Variants in SOX5 observed in about 807,000 individuals in gnomAD.
The protein encoded by SOX5 is transcription factor SOX-5.
Under a neutral mutation model 92.0 loss-of-function variants are expected in SOX5, and 9 were observed. The observed-to-expected ratio is 0.10, with a 90% CI of 0.06 to 0.17. The LOEUF is 0.17. SOX5 is among the 10% of genes least tolerant of loss of function. The pLI is 1.00. For missense variants in SOX5, 642 were observed against 944.5 expected, an observed-to-expected ratio of 0.68 and a Z score of 4.20; for synonymous variants, 344 against 336.3, an observed-to-expected ratio of 1.02 and a Z score of -0.25.
chr12:23,939,506 T>G (rs1460423757), intron 1 of SOX5, among the ~76,000 whole-genome samples: 1 of 151,044 alleles, frequency 6.6e-6, no homozygotes. Flanking sequence ...AAAAATTAAT[T>G]TTAACATAGC....
At chr12:23,610,311 A>G (rs929814814) in intron 8 of SOX5, among the ~76,000 whole-genome samples, 8 of 152,112 alleles carry the variant, frequency 5.3e-5, no homozygotes, top group African/African-American at 1.9e-4. Context: ...ATTGCTAAAA[A>G]CACAACTTCT....
intron 4 of SOX5, among the ~76,000 whole-genome samples, chr12:24,178,729 G>A (rs1200587745): frequency 6.6e-6 from 1 of 152,220 alleles, no homozygotes; most frequent in Non-Finnish European, 1.5e-5. Context: ...TCTGGCACCT[G>A]CTAAGTGCCA....
chr12:23,971,657 T>G (rs989005654), intron 4 of SOX5, among the ~76,000 whole-genome samples: 5 of 151,902 alleles, frequency 3.3e-5, no homozygotes, highest in Non-Finnish European at 7.4e-5. Context: ...CATAGTTATT[T>G]AAAAAATAAT....
intron 1 of SOX5, among the ~76,000 whole-genome samples, chr12:23,911,136 T>A (rs1226950919): frequency 6.6e-6 from 1 of 151,916 alleles, no homozygotes; most frequent in African/African-American, 2.4e-5. Flanking sequence ...CAAAAAAAAA[T>A]TCCATTGCAA....
chr12:23,867,931 A>G (rs1249144546), intron 2 of SOX5, among the ~76,000 whole-genome samples: 3 of 152,024 alleles, frequency 2.0e-5, no homozygotes, highest in Non-Finnish European at 2.9e-5. Flanking sequence ...CCACCTAGGC[A>G]GTTTAACCTC....
At chr12:23,604,171 A>G (rs2074936051) in intron 9 of SOX5, 2 of 489,984 alleles carry the variant, frequency 4.1e-6, no homozygotes, top group Non-Finnish European at 7.4e-6. Context: ...ATTTTCTACT[A>G]TAGTTATCGA....
chr12:23,688,084 G>A (rs906878612), intron 6 of SOX5, among the ~76,000 whole-genome samples: 1 of 151,858 alleles, frequency 6.6e-6, no homozygotes, highest in Non-Finnish European at 1.5e-5. Flanking sequence ...GATCTATTTG[G>A]CTACAATTAT....
intron 3 of SOX5, among the ~76,000 whole-genome samples, chr12:23,818,530 T>G (rs1009591201): frequency 2.0e-5 from 3 of 152,142 alleles, no homozygotes; most frequent in African/African-American, 7.2e-5. Flanking sequence ...AGGACAGGAC[T>G]GTACACTACA....
At chr12:23,897,428 C>G (rs1038072408) in intron 1 of SOX5, among the ~76,000 whole-genome samples, 1 of 152,268 alleles carries the variant, frequency 6.6e-6, no homozygotes, top group South Asian at 2.1e-4. Context: ...CACTTACTAG[C>G]TGAGACTTAA....
chr12:23,586,191 G>A (rs1950706050), intron 9 of SOX5, among the ~76,000 whole-genome samples: 1 of 152,076 alleles, frequency 6.6e-6, no homozygotes. Context: ...CACGAACCTC[G>A]AGTAAGACAA....
chr12:23,620,940 C>T (rs531290158), intron 8 of SOX5, among the ~76,000 whole-genome samples: 2 of 152,182 alleles, frequency 1.3e-5, no homozygotes, highest in East Asian at 3.9e-4. Flanking sequence ...ATTATCTCTG[C>T]TTTCATGAAA....
intron 1 of SOX5, among the ~76,000 whole-genome samples, chr12:23,904,846 C>G (rs977160666): frequency 1.6e-4 from 25 of 152,266 alleles, no homozygotes; most frequent in African/African-American, 5.5e-4. Context: ...TCTTCACCAC[C>G]TTTTTGCTCT....
intron 3 of SOX5, among the ~76,000 whole-genome samples, chr12:24,257,095 G>A (rs1223764891): frequency 6.6e-6 from 1 of 152,124 alleles, no homozygotes; most frequent in Non-Finnish European, 1.5e-5. Context: ...TTTGGTTGCT[G>A]GGTACAGAAA....
At chr12:24,448,349 GA>G (rs1213394421) in intron 1 of SOX5, among the ~76,000 whole-genome samples, 1 of 152,128 alleles carries the variant, frequency 6.6e-6, no homozygotes, top group Non-Finnish European at 1.5e-5. Context: ...AGCATCGGGT[GA>G]AAATGGAGAG....
At chr12:24,231,725 A>G (rs932969611) in intron 3 of SOX5, among the ~76,000 whole-genome samples, 5 of 152,220 alleles carry the variant, frequency 3.3e-5, no homozygotes, top group Non-Finnish European at 7.3e-5. Flanking sequence ...AAGGGCCCAC[A>G]GTTATATTCC....
chr12:24,387,676 G>A (rs1958572544), intron 1 of SOX5, among the ~76,000 whole-genome samples: 1 of 152,084 alleles, frequency 6.6e-6, no homozygotes, highest in Non-Finnish European at 1.5e-5. Flanking sequence ...GAATATTAAG[G>A]CCTTTTTACT....
At chr12:24,076,050 G>T (rs1422255936) in intron 4 of SOX5, among the ~76,000 whole-genome samples, 1 of 152,104 alleles carries the variant, frequency 6.6e-6, no homozygotes, top group African/African-American at 2.4e-5. Context: ...TCGCCCCATT[G>T]GTTTACTTTA....
At chr12:24,293,950 T>C (rs1946900676) in intron 2 of SOX5, among the ~76,000 whole-genome samples, 2 of 152,130 alleles carry the variant, frequency 1.3e-5, no homozygotes, top group Non-Finnish European at 2.9e-5. Flanking sequence ...CAAAAGTAAA[T>C]AGCAACAGAA....
intron 4 of SOX5, among the ~76,000 whole-genome samples, chr12:24,095,378 A>G (rs1347884358): frequency 6.6e-6 from 1 of 151,826 alleles, no homozygotes; most frequent in Non-Finnish European, 1.5e-5. Flanking sequence ...TCCTCATCCC[A>G]TACAAAGTTC....
Sources: gnomAD v4.1 joint callset for allele counts (sites outside exome capture counted in the v4.1 genomes callset) on GRCh38, gnomAD v4.1.1 for gene constraint, MANE v1.5 for transcripts, NCBI Gene and HGNC (gene_info 2026-07-23, HGNC 2026-07-21) for gene names.